MAF: variants seen among roughly 807,000 people sequenced by gnomAD.
MAF encodes the protein transcription factor Maf.
A neutral mutation model predicts 22.0 loss-of-function variants in MAF; 10 were observed. The observed-to-expected ratio is 0.45, with a 90% CI of 0.28 to 0.77. The LOEUF (loss-of-function observed/expected upper bound fraction) is 0.77, where lower values mean the gene tolerates loss of function less well. MAF is among the 30% of genes least tolerant of loss of function. The probability of loss-of-function intolerance (pLI) is 0.12; values close to 1 mark genes in which losing one functional copy is unlikely to be tolerated. For synonymous variants in MAF, 337 were observed against 255.8 expected (o/e 1.32, Z -3.03); for missense variants, 544 against 548.4 (o/e 0.99, Z 0.08).
chr16:79,230,081 A>C, the MAF span, among the ~76,000 whole-genome samples: 2 of 152,094 alleles, frequency 1.3e-5, no homozygotes, highest in Non-Finnish European at 2.9e-5. Context: ...GTATTTAATC[A>C]CTGATCTTGT....
the MAF span, among the ~76,000 whole-genome samples, chr16:79,306,683 T>C: frequency 3.9e-4 from 59 of 152,312 alleles, no homozygotes; most frequent in African/African-American, 1.3e-3. Context: ...GCTCACATGA[T>C]TGCCAGCAGG....
At position 79,598,765 on chromosome 16, in the gene MAF, G is replaced by A. The variant is rs891960066; in HGVS notation, c.1118+20C>T. 1 of 1,613,672 alleles carries A rather than the reference G, an allele frequency of 6.2e-7. No individual in the cohort carries two copies. The highest frequency in any genetic ancestry group is 8.5e-7 in the Non-Finnish European group (1 of 1,179,996). ...GAGCACTTATCAGGGTGGCTAGCTG[G>A]AATCGCGTGTCAGACTCACATGAAA... On this transcript the variant is annotated intron_variant, in intron 1 of 1. Coordinates refer to ENST00000326043, the MANE Select transcript of MAF (RefSeq NM_005360.5).
rs1200067208 is a variant in MAF, at chr16:79,600,079, C to G, written c.-177G>C. On this transcript the variant is annotated 5_prime_UTR_variant, in exon 1 of 2. Coordinates refer to ENST00000326043, the MANE Select transcript of MAF (RefSeq NM_005360.5). ...GAGCGCGCTCACACACACACCCCCCCGCCCTGCCCGCGCCCCCCGCGCCCG... is the reference window on the plus strand; with the variant it reads ...GAGCGCGCTCACACACACACCCCCCGGCCCTGCCCGCGCCCCCCGCGCCCG... 5.5e-6 allele frequency: 4 copies of G among 731,164 alleles called. No individual in the cohort carries two copies. The highest frequency in any genetic ancestry group is 8.4e-6 in the Non-Finnish European group (4 of 477,256). 45.3% of individuals were successfully genotyped at this position (731,164 alleles called of 1,614,324 possible).
chr16:79,480,864 A>T, the MAF span, among the ~76,000 whole-genome samples: 1 of 152,178 alleles, frequency 6.6e-6, no homozygotes, highest in East Asian at 1.9e-4. Flanking sequence ...TTTGGATAGG[A>T]CCGTGGGACT....
At chr16:79,346,135 A>G in the MAF span, among the ~76,000 whole-genome samples, 5 of 151,766 alleles carry the variant, frequency 3.3e-5, no homozygotes, top group South Asian at 2.1e-4. Flanking sequence ...CCATTAACTC[A>G]TCATTTAGCA....
chr16:79,426,589 G>A, the MAF span, among the ~76,000 whole-genome samples: 2 of 152,176 alleles, frequency 1.3e-5, no homozygotes, highest in African/African-American at 4.8e-5. Context: ...ACAGAGTCAA[G>A]TGTGTGACCC....
chr16:79,448,583 G>A, the MAF span, among the ~76,000 whole-genome samples: 1 of 151,790 alleles, frequency 6.6e-6, no homozygotes, highest in Non-Finnish European at 1.5e-5. Flanking sequence ...CTGCCACAAT[G>A]CCCAGTTAAT....
chr16:79,211,595 C>A, the MAF span: 4 of 1,614,018 alleles, frequency 2.5e-6, no homozygotes, highest in Non-Finnish European at 3.4e-6. Context: ...TGTCTTTCTT[C>A]TTGGATTTCC....
the MAF span, among the ~76,000 whole-genome samples, chr16:79,409,733 G>C: frequency 2.0e-5 from 3 of 152,306 alleles, no homozygotes; most frequent in African/African-American, 7.2e-5. Flanking sequence ...GGTGTGAACA[G>C]AGACAGGAGA....
chr16:79,523,489 C>A, the MAF span, among the ~76,000 whole-genome samples: 1 of 152,210 alleles, frequency 6.6e-6, no homozygotes, highest in Non-Finnish European at 1.5e-5. Flanking sequence ...TTTGTTCACT[C>A]ATTCTAAAAT....
chr16:79,453,159 T>C, the MAF span, among the ~76,000 whole-genome samples: 57 of 152,148 alleles, frequency 3.7e-4, no homozygotes, highest in East Asian at 1.9e-4. Flanking sequence ...TACTCAATCA[T>C]AGTGAGTAAG....
chr16:79,316,659 G>A, the MAF span, among the ~76,000 whole-genome samples: 1 of 152,150 alleles, frequency 6.6e-6, no homozygotes, highest in South Asian at 2.1e-4. Flanking sequence ...TATGCCTTCA[G>A]AGGAAACAGA....
the MAF span, among the ~76,000 whole-genome samples, chr16:79,544,756 G>A: frequency 4.6e-5 from 6 of 131,706 alleles, no homozygotes; most frequent in Admixed American, 4.1e-4. Context: ...CTGGGCGACA[G>A]AGCAAGGCTC....
At chr16:79,308,217 C>T in the MAF span, among the ~76,000 whole-genome samples, 1 of 152,202 alleles carries the variant, frequency 6.6e-6, no homozygotes, top group Non-Finnish European at 1.5e-5. Context: ...CCACATTGAT[C>T]ATTTAAGACA....
the MAF span, among the ~76,000 whole-genome samples, chr16:79,362,875 T>C: frequency 2.0e-5 from 3 of 152,236 alleles, no homozygotes; most frequent in African/African-American, 7.2e-5. Flanking sequence ...TTTATATCTT[T>C]TAAGTTAAAG....
chr16:79,323,157 A>C, the MAF span, among the ~76,000 whole-genome samples: 10 of 95,170 alleles, frequency 1.1e-4, 1 homozygote, highest in African/African-American at 3.7e-4. Context: ...TAAAAAAAAA[A>C]AAAAAAAAAA....
chr16:79,439,481 C>T, the MAF span, among the ~76,000 whole-genome samples: 1 of 152,040 alleles, frequency 6.6e-6, no homozygotes, highest in South Asian at 2.1e-4. Flanking sequence ...AGGATGGTCT[C>T]AATCTCCTGA....
At chr16:79,215,163 G>C in the MAF span, among the ~76,000 whole-genome samples, 3 of 152,192 alleles carry the variant, frequency 2.0e-5, no homozygotes, top group Non-Finnish European at 4.4e-5. Context: ...AGGAGTGTTT[G>C]ATTTCAAGGT....
the MAF span, among the ~76,000 whole-genome samples, chr16:79,371,163 T>C: frequency 6.6e-6 from 1 of 152,006 alleles, no homozygotes; most frequent in Non-Finnish European, 1.5e-5. Flanking sequence ...TGGGAGTGCC[T>C]GGAGGGCTGG....
Sources: gnomAD v4.1 joint callset for allele counts (sites outside exome capture counted in the v4.1 genomes callset) on GRCh38, gnomAD v4.1.1 for gene constraint, MANE v1.5 for transcripts, NCBI Gene and HGNC (gene_info 2026-07-23, HGNC 2026-07-21) for gene names.